The following GORASP2 variants were observed in gnomAD, a reference collection of about 807,000 sequenced individuals.
GORASP2 encodes the protein golgi reassembly stacking protein 2.
GORASP2 carries 22 observed loss-of-function variants against 45.7 expected under a neutral mutation model. The ratio of observed to expected loss-of-function variants is 0.48; its 90% CI spans 0.34 to 0.69. The LOEUF is 0.69. GORASP2 is among the 30% of genes least tolerant of loss of function. The pLI, the probability that GORASP2 is intolerant of heterozygous loss-of-function variation, is 0.01. For missense variants in GORASP2, 491 were observed against 562.7 expected (o/e 0.87, Z 1.29); for synonymous variants, 221 against 215.6 (o/e 1.02, Z -0.22).
intron 7 of GORASP2, among the ~76,000 whole-genome samples, chr2:170,959,821 C>CTT (rs35210942): frequency 0.012 from 1,489 of 124,500 alleles, 36 homozygotes; most frequent in East Asian, 0.015. Flanking sequence ...TCACCTTTTT[C>CTT]TTTTTTTTTT....
chr2:170,959,580 A>G (rs1202396442), intron 7 of GORASP2, among the ~76,000 whole-genome samples: 1 of 152,258 alleles, frequency 6.6e-6, no homozygotes, highest in Non-Finnish European at 1.5e-5. Flanking sequence ...GGCATTTTTC[A>G]GTCTTCACTT....
At chr2:170,954,339 G>T in intron 5 of GORASP2, 1 of 215,614 alleles carries the variant, frequency 4.6e-6, no homozygotes, top group Non-Finnish European at 9.1e-6. Flanking sequence ...GGGGGAGATA[G>T]ATAGTAAATA....
At position 170,956,538 on chromosome 2, in the gene GORASP2, G is replaced by T; in HGVS notation, c.802G>T (p.Val268Phe). The change falls in exon 7 of 10, where the codon GTC becomes TTC. Residue 268 changes from valine to phenylalanine, a missense_variant. By Grantham distance (50) the Val-to-Phe change is conservative. This residue lies in a region of GORASP2 where 297 missense variants were observed against 292.3 expected (regional missense o/e 1.02). Coordinates refer to ENST00000234160, the MANE Select transcript of GORASP2 (RefSeq NM_015530.5). The part of the protein sequence containing the change: ...GLSISSTPPA[V>F]SSVLSTGVPT... ...TTCTATTAGCTCAACTCCACCAGCTGTCAGTAGTGTTCTCAGTACAGGTGT... is the reference window on the plus strand; with the variant it reads ...TTCTATTAGCTCAACTCCACCAGCTTTCAGTAGTGTTCTCAGTACAGGTGT... 2.5e-6 allele frequency: 4 copies of T among 1,613,064 alleles called. No individual in the cohort carries two copies. Among genetic ancestry groups the T allele is most frequent in the Non-Finnish European group, 3.4e-6 (4 of 1,179,340 alleles).
chr2:170,961,620 G>C, intron 7 of GORASP2, 43 bp from the exon 8 acceptor site: 1 of 1,034,990 alleles, frequency 9.7e-7, no homozygotes, highest in South Asian at 1.3e-5. Context: ...ATTTCTTGTC[G>C]ACTAAATTTG....
intron 6 of GORASP2, 35 bp downstream of exon 6, chr2:170,954,817 GTT>G: frequency 6.4e-7 from 1 of 1,573,156 alleles, no homozygotes; most frequent in Non-Finnish European, 8.7e-7. Flanking sequence ...ATATCATAAA[GTT>G]TTTACCAAAA....
At chr2:170,945,412 C>T (rs1482206283) in intron 1 of GORASP2, among the ~76,000 whole-genome samples, 1 of 150,894 alleles carries the variant, frequency 6.6e-6, no homozygotes, top group Non-Finnish European at 1.5e-5. Context: ...TGGTGGTGCA[C>T]ACGTGTCCCA....
chr2:170,948,325 A>T (rs1301140185), intron 1 of GORASP2, 25 bp from the exon 2 acceptor site: 1 of 1,390,718 alleles, frequency 7.2e-7, no homozygotes, highest in Non-Finnish European at 1.0e-6. Flanking sequence ...TACATTTTTT[A>T]TTTTTGTCGT....
intron 1 of GORASP2, among the ~76,000 whole-genome samples, chr2:170,935,494 A>G (rs1241246907): frequency 6.6e-6 from 1 of 151,762 alleles, no homozygotes; most frequent in African/African-American, 2.4e-5. Flanking sequence ...ACCTCAAGTC[A>G]TCTGCCCACC....
chr2:170,930,458 G>C (rs1166849645), intron 1 of GORASP2, among the ~76,000 whole-genome samples: 7 of 152,186 alleles, frequency 4.6e-5, no homozygotes, highest in Admixed American at 4.6e-4. Flanking sequence ...GTAAGAGAGT[G>C]CACTTCCTGG....
rs542290717 is a variant in GORASP2, at chr2:170,963,729, A to G, written c.1018+783A>G. ...CCGATCTTGGCTCACTGCAATCTCT[A>G]CCTCCCAGGATCAAGCCATCCTCTC... On this transcript the variant is annotated intron_variant, in intron 9 of 9. Transcript: ENST00000234160. 3.1e-4 allele frequency among the ~76,000 whole-genome samples: 47 copies of G among 151,872 alleles called. 1 individual carries two copies. In the South Asian group the frequency reaches 9.4e-3, roughly 30 times the overall value.
intron 1 of GORASP2, among the ~76,000 whole-genome samples, chr2:170,938,587 A>G (rs959584081): frequency 1.3e-5 from 2 of 152,258 alleles, no homozygotes; most frequent in Non-Finnish European, 2.9e-5. Flanking sequence ...TGCAATTAAA[A>G]TGATCTTGCT....
chr2:170,944,437 G>T (rs13014896), intron 1 of GORASP2, among the ~76,000 whole-genome samples: 43,985 of 151,906 alleles, frequency 0.29, 7,306 homozygotes, highest in Middle Eastern at 0.4. Flanking sequence ...TAATTTCAAG[G>T]GCCATTAGAA....
At chr2:170,963,043 G>A (rs965840127) in intron 9 of GORASP2, 97 bp downstream of exon 9, 2 of 770,116 alleles carry the variant, frequency 2.6e-6, no homozygotes, top group Non-Finnish European at 4.6e-6. Flanking sequence ...GAGCAAATCA[G>A]TTTAACAGAT....
intron 1 of GORASP2, among the ~76,000 whole-genome samples, chr2:170,946,768 C>CAAA (rs10692734): frequency 6.7e-5 from 7 of 105,048 alleles, no homozygotes; most frequent in East Asian, 2.5e-4. Flanking sequence ...CATGCCTCTA[C>CAAA]AAAAAAAAAA....
At chr2:170,949,922 G>C in intron 3 of GORASP2, 180 bp downstream of exon 3, 1 of 586,276 alleles carries the variant, frequency 1.7e-6, no homozygotes, top group South Asian at 2.3e-5. Flanking sequence ...TTGAGGAAGA[G>C]AAGCAAATGT....
rs575698271 is a variant in GORASP2 at position 170,954,823 on chromosome 2, A to G, written c.699+41A>G. ...TACCTGAGTATATCATAAAGTTTTT[A>G]CCAAAACGAGTCACGTGTTTCAGTG... is the stretch of plus-strand genomic sequence containing the variant. On this transcript the variant is annotated intron_variant, in intron 6 of 9. Coordinates refer to ENST00000234160, the MANE Select transcript of GORASP2 (RefSeq NM_015530.5). 155 of 1,558,234 alleles carry G rather than the reference A, an allele frequency of 9.9e-5. 2 individuals are homozygous for G. In the South Asian group the frequency reaches 1.6e-3, roughly 17 times the overall value.
intron 1 of GORASP2, among the ~76,000 whole-genome samples, chr2:170,944,653 C>G (rs951882365): frequency 1.3e-5 from 2 of 151,996 alleles, no homozygotes; most frequent in Non-Finnish European, 2.9e-5. Flanking sequence ...ATAAGGGTGG[C>G]CTAGTAAGAA....
At chr2:170,951,570 C>A in intron 5 of GORASP2, 112 bp downstream of exon 5, 2 of 868,484 alleles carry the variant, frequency 2.3e-6, no homozygotes, top group Non-Finnish European at 3.4e-6. Flanking sequence ...TTTAAGACTC[C>A]TCTTAAAAAA....
At chr2:170,934,892 C>T (rs554627859) in intron 1 of GORASP2, among the ~76,000 whole-genome samples, 7 of 152,092 alleles carry the variant, frequency 4.6e-5, no homozygotes, top group South Asian at 2.1e-4. Context: ...TTCCTGCCAC[C>T]GTGCCCAGCT....
Sources: gnomAD v4.1 joint callset for allele counts (sites outside exome capture counted in the v4.1 genomes callset) on GRCh38, gnomAD v4.1.1 for gene constraint, gnomAD v4.1.1 regional missense constraint, MANE v1.5 for transcripts, NCBI Gene and HGNC (gene_info 2026-07-23, HGNC 2026-07-21) for gene names.